Variants in ARMC9 observed in about 807,000 individuals in gnomAD.
The protein encoded by ARMC9 is armadillo repeat containing 9.
ARMC9 carries 94 observed loss-of-function variants against 107.0 expected under a neutral mutation model. The ratio of observed to expected loss-of-function variants is 0.88; its 90% CI spans 0.74 to 1.04. ARMC9 has a LOEUF of 1.04. ARMC9 is among the 50% of genes least tolerant of loss of function. The pLI, the probability that ARMC9 is intolerant of heterozygous loss-of-function variation, is 0.00. For synonymous variants in ARMC9, 380 were observed against 396.9 expected, an observed-to-expected ratio of 0.96 and a Z score of 0.51; for missense variants, 942 against 1,030.1, an observed-to-expected ratio of 0.91 and a Z score of 1.17.
At chr2:231,259,190 A>C in intron 11 of ARMC9, 88 bp downstream of exon 11, 1 of 1,132,304 alleles carries the variant, frequency 8.8e-7, no homozygotes, top group East Asian at 2.6e-5. Context: ...CTTTTAACCC[A>C]TCTTCCAGAA....
chr2:231,358,056 C>A lies in ARMC9; in HGVS notation c.2131+2122C>A, dbSNP rs2045413415. Among the ~76,000 whole-genome samples the A allele has an allele frequency of 6.6e-6, 1 of 152,200 alleles. No individual in the cohort carries two copies. The highest frequency in any genetic ancestry group is 6.5e-5 in the Admixed American group (1 of 15,282). On this transcript the variant is annotated intron_variant, in intron 22 of 24. Coordinates refer to ENST00000611582, the MANE Select transcript of ARMC9 (RefSeq NM_001352754.2). This position sits in a 1 kb window ranked among gnomAD's most constrained non-coding sequence, Gnocchi z 4.5. ...TGCGTCTCCCCAGTTGGCCTCCCTG[C>A]CCCTCTCCCTGTCCTGTCACCTGCC...
At chr2:231,282,180 A>G (rs201532523) in intron 17 of ARMC9, 47 bp downstream of exon 17, 1 of 1,589,650 alleles carries the variant, frequency 6.3e-7, no homozygotes, top group Non-Finnish European at 8.6e-7. Context: ...TTAGTGCCAC[A>G]GTTCAGAGCT....
chr2:231,272,271 G>T (rs2039399460), intron 13 of ARMC9, among the ~76,000 whole-genome samples: 1 of 139,476 alleles, frequency 7.2e-6, no homozygotes, highest in Admixed American at 7.6e-5. Flanking sequence ...GCTCACTGTA[G>T]CCTCAACCAC....
Position 231,297,135 on chromosome 2 carries a change from A to C in ARMC9, c.1773+882A>C, listed in dbSNP as rs1352788153. 1.3e-5 allele frequency among the ~76,000 whole-genome samples: 2 copies of C among 152,176 alleles called. No individual in the cohort carries two copies. The highest frequency in any genetic ancestry group is 2.9e-5 in the Non-Finnish European group (2 of 68,020). ...AGAGGTATTTAAGAGCCCCTGCCAG[A>C]GAGGATCTGCTAAGATCTGCTGGGA... On this transcript the variant is annotated intron_variant, in intron 19 of 24. Transcript: ENST00000611582. This position sits in a 1 kb window ranked among gnomAD's most constrained non-coding sequence, Gnocchi z 4.2.
intron 8 of ARMC9, among the ~76,000 whole-genome samples, chr2:231,236,858 C>T (rs909523957): frequency 3.3e-5 from 5 of 152,156 alleles, no homozygotes; most frequent in African/African-American, 1.2e-4. Context: ...GCGGGAGGAA[C>T]TCTTGAACCC....
At chr2:231,222,620 T>G (rs2034258691) in intron 5 of ARMC9, 108 bp from the exon 6 acceptor site, 3 of 562,416 alleles carry the variant, frequency 5.3e-6, no homozygotes, top group Middle Eastern at 4.9e-4. Flanking sequence ...CATTTTGGTT[T>G]TGGTTTCAAT....
At chr2:231,257,067 G>C (rs536778595) in intron 10 of ARMC9, among the ~76,000 whole-genome samples, 1 of 152,280 alleles carries the variant, frequency 6.6e-6, no homozygotes, top group South Asian at 2.1e-4. Context: ...CACCCCCTTT[G>C]GCCTCCCAGA....
chr2:231,231,431 T>C (rs1324658118), intron 7 of ARMC9, among the ~76,000 whole-genome samples: 2 of 152,230 alleles, frequency 1.3e-5, no homozygotes, highest in Non-Finnish European at 2.9e-5. Context: ...TTGCCCAGGC[T>C]GGAGTGCCGT....
chr2:231,201,208 G>A (rs986274424), intron 1 of ARMC9, among the ~76,000 whole-genome samples: 1 of 152,258 alleles, frequency 6.6e-6, no homozygotes, highest in African/African-American at 2.4e-5. Flanking sequence ...GTGGTGCATG[G>A]GGAGGTGTCC....
chr2:231,237,781 ATTTTTTTTTTTTTTT>A (rs142285288), intron 8 of ARMC9, among the ~76,000 whole-genome samples: 31 of 26,938 alleles, frequency 1.2e-3, no homozygotes, highest in African/African-American at 3.5e-3. Flanking sequence ...ATATATATAT[ATTTTTTTTTTTTTTT>A]TTTTTTTTTT....
intron 19 of ARMC9, among the ~76,000 whole-genome samples, chr2:231,310,233 G>A (rs1033930882): frequency 4.6e-5 from 7 of 151,488 alleles, no homozygotes; most frequent in African/African-American, 1.7e-4. Context: ...TGACCAACAT[G>A]GAGAAACCCC....
rs1575213986 is a variant in ARMC9 at position 231,373,896 on chromosome 2, A to C, written c.*2361A>C. ...CAGCCTGGGCGACAGAGACTCCGTC[A>C]AAAAAAAAAAAAAAATACATTGAGA... On this transcript the variant is annotated 3_prime_UTR_variant, in exon 25 of 25. Coordinates refer to ENST00000611582, the MANE Select transcript of ARMC9 (RefSeq NM_001352754.2). The surrounding 1 kb of genome is among the most constrained non-coding windows in gnomAD (Gnocchi z 4.4). 1.3e-4 allele frequency: 3 copies of C among 23,722 alleles called. No homozygotes were observed. Among genetic ancestry groups the C allele is most frequent in the Admixed American group, 8.2e-4 (2 of 2,444 alleles). The allele number at this position is 23,722 out of a possible 1,614,324, so 1.5% of individuals were successfully genotyped here. A position where few individuals can be genotyped will look rare whatever the true frequency, so the allele number is the denominator to read the frequency against.
At chr2:231,234,632 G>A (rs1283227780) in intron 7 of ARMC9, among the ~76,000 whole-genome samples, 2 of 152,054 alleles carry the variant, frequency 1.3e-5, no homozygotes, top group Non-Finnish European at 2.9e-5. Context: ...GTCTCACTCT[G>A]TTGCCCAGTT....
rs978582356 is a variant in ARMC9, at chr2:231,375,278, ATGG to A, written c.*3747_*3749del. Among the ~76,000 whole-genome samples the A allele has an allele frequency of 6.6e-4, 100 of 152,228 alleles. No homozygotes were observed. Among genetic ancestry groups the A allele is most frequent in the African/African-American group, 2.3e-3 (95 of 41,522 alleles). On this transcript the variant is annotated 3_prime_UTR_variant, in exon 25 of 25. Coordinates refer to ENST00000611582, the MANE Select transcript of ARMC9 (RefSeq NM_001352754.2). This position sits in a 1 kb window ranked among gnomAD's most constrained non-coding sequence, Gnocchi z 4.3. Reference sequence around the variant, plus strand: ...TCTCCTCTGGCTTAGGCTTGTTCACATGGTGGCCTCGGGGCTCCCATGGCAGTT... The same window carrying A: ...TCTCCTCTGGCTTAGGCTTGTTCACATGGCCTCGGGGCTCCCATGGCAGTT...
chr2:231,213,194 C>T (rs2033104628), intron 3 of ARMC9, among the ~76,000 whole-genome samples: 2 of 142,804 alleles, frequency 1.4e-5, no homozygotes, highest in Non-Finnish European at 3.0e-5. Flanking sequence ...GACAGGGTCT[C>T]ATTCTGTTGC....
intron 9 of ARMC9, among the ~76,000 whole-genome samples, chr2:231,252,365 G>A (rs563375289): frequency 1.3e-5 from 2 of 151,734 alleles, no homozygotes; most frequent in Admixed American, 6.6e-5. Flanking sequence ...TTCTCCTTCC[G>A]CAGCCTCCCA....
Position 231,256,586 on chromosome 2 carries a change from G to A in ARMC9, c.880G>A (p.Ala294Thr). The change falls in exon 10 of 25, where the codon GCA becomes ACA. Residue 294 changes from alanine to threonine, a missense_variant and splice_region_variant. By Grantham distance (58) the Ala-to-Thr change is moderately conservative (BLOSUM62 0). Coordinates refer to ENST00000611582, the MANE Select transcript of ARMC9 (RefSeq NM_001352754.2). ...HSVDFTRPGT[A>T]STMLRASLAP... ...TTTTCTTCTGTCCTCTTCCCCCCAGGCATCCACCATGTTACGAGCCTCCTT... is the reference window on the plus strand; with the variant it reads ...TTTTCTTCTGTCCTCTTCCCCCCAGACATCCACCATGTTACGAGCCTCCTT... 6.2e-7 allele frequency: 1 copy of A among 1,613,940 alleles called. No individual in the cohort carries two copies. Among genetic ancestry groups the A allele is most frequent in the Non-Finnish European group, 8.5e-7 (1 of 1,179,932 alleles).
At chr2:231,272,533 T>G (rs2039428247) in intron 13 of ARMC9, among the ~76,000 whole-genome samples, 1 of 150,822 alleles carries the variant, frequency 6.6e-6, no homozygotes, top group Non-Finnish European at 1.5e-5. Context: ...TTTGTTTGTT[T>G]TGAGATGGAG....
intron 17 of ARMC9, among the ~76,000 whole-genome samples, chr2:231,284,683 C>T (rs1574945949): frequency 6.6e-6 from 1 of 152,168 alleles, no homozygotes; most frequent in East Asian, 1.9e-4. Flanking sequence ...GAGATACCAT[C>T]GCATTTATTG....
Sources: allele counts gnomAD v4.1 joint callset (sites outside exome capture counted in the v4.1 genomes callset), GRCh38; gene constraint gnomAD v4.1.1; non-coding constraint Gnocchi (gnomAD v3.1); transcripts MANE v1.5; gene names NCBI Gene and HGNC (gene_info 2026-07-23, HGNC 2026-07-21).